LARP4: variants seen among roughly 807,000 people sequenced by gnomAD.
LARP4 encodes the protein la-related protein 4.
LARP4 carries 29 observed loss-of-function variants against 92.9 expected under a neutral mutation model. The ratio of observed to expected loss-of-function variants is 0.31; its 90% CI spans 0.23 to 0.43. LARP4 has a LOEUF of 0.43. Among genes scored for constraint, LARP4 ranks in the 20% least tolerant of loss-of-function variants. The pLI, the probability that LARP4 is intolerant of heterozygous loss-of-function variation, is 1.00. For missense variants in LARP4, 732 were observed against 860.0 expected, an observed-to-expected ratio of 0.85 and a Z score of 1.86; for synonymous variants, 279 against 284.1, an observed-to-expected ratio of 0.98 and a Z score of 0.18.
Position 50,424,422 on chromosome 12 carries a change from G to C in LARP4, c.19-3340G>C, listed in dbSNP as rs553649674. ...CGCCCAGGCTGGAGTACAGTGGCCCGATCTCGGCTCACCGCAACCACTGTC... is the reference window on the plus strand; with the variant it reads ...CGCCCAGGCTGGAGTACAGTGGCCCCATCTCGGCTCACCGCAACCACTGTC... On this transcript the variant is annotated intron_variant, in intron 1 of 15. Coordinates refer to ENST00000398473, the MANE Select transcript of LARP4 (RefSeq NM_052879.5). Among the ~76,000 whole-genome samples, 3 of 150,652 alleles carry C rather than the reference G, an allele frequency of 2.0e-5. No homozygotes were observed. The South Asian group carries it at 6.4e-4, about 32-fold the overall frequency.
At position 50,467,052 on chromosome 12, in the gene LARP4, A is replaced by G. The variant is rs757755491; in HGVS notation, c.1477A>G (p.Arg493Gly). The G allele has an allele frequency of 2.5e-6, 4 of 1,613,726 alleles. No homozygotes were observed. Among genetic ancestry groups the G allele is most frequent in the African/African-American group, 1.3e-5 (1 of 74,914 alleles). ...NFPPLPGSSS[R>G]MPGELVLENR... ...TCCACCTTTACCTGGAAGTTCATCA[A>G]GAATGCCAGGTGAACTCGTTTTGGA... Residue 493 changes from arginine (R) to glycine (G), a missense_variant, in exon 13 of 16, where the codon AGA (arginine) becomes GGA (glycine). Arg to Gly is a moderately radical substitution (Grantham distance 125, BLOSUM62 -2). This residue lies in a region of LARP4 where 264 missense variants were observed against 269.5 expected (regional missense o/e 0.98). Coordinates refer to ENST00000398473, the MANE Select transcript of LARP4 (RefSeq NM_052879.5).
chr12:50,422,112 G>C (rs1284389512), intron 1 of LARP4, among the ~76,000 whole-genome samples: 3 of 151,808 alleles, frequency 2.0e-5, no homozygotes, highest in Non-Finnish European at 4.4e-5. Context: ...TGGGACTATA[G>C]GCATCCACCC....
rs189002085 is a variant in LARP4 at position 50,473,962 on chromosome 12, C to A, written c.1668-37C>A. The A allele has an allele frequency of 4.5e-4, 715 of 1,574,838 alleles. 6 individuals are homozygous for A. In the East Asian group the frequency reaches 0.01, roughly 23 times the overall value. Reference sequence around the variant, plus strand: ...TTAGTTGCTCAACTGTTCCTATATGCTATTCTGAGTCTAATTGCAAGCTCT... The same window carrying A: ...TTAGTTGCTCAACTGTTCCTATATGATATTCTGAGTCTAATTGCAAGCTCT... On this transcript the variant is annotated intron_variant, in intron 14 of 15. Transcript: ENST00000398473.
rs1390857334 is a variant in LARP4 at position 50,477,541 on chromosome 12, A to G, written c.*1677A>G. On this transcript the variant is annotated 3_prime_UTR_variant, in exon 16 of 16. Coordinates refer to ENST00000398473, the MANE Select transcript of LARP4 (RefSeq NM_052879.5). ...TTAAAATTACATTACTGTGAAATTC[A>G]TCTTCCAACTCTAAGTTAAGCTTTG... is the stretch of plus-strand genomic sequence containing the variant. 2 of 152,602 alleles carry G rather than the reference A, an allele frequency of 1.3e-5. No individual in the cohort carries two copies. The highest frequency in any genetic ancestry group is 2.1e-4 in the South Asian group (1 of 4,836). 9.5% of individuals were successfully genotyped at this position (152,602 alleles called of 1,614,324 possible).
intron 4 of LARP4, among the ~76,000 whole-genome samples, chr12:50,433,146 A>G (rs562927977): frequency 5.3e-5 from 8 of 152,056 alleles, no homozygotes; most frequent in East Asian, 3.9e-4. Context: ...TGGTTTCTCT[A>G]TTGTCCAGGA....
In LARP4 at chr12:50,454,301, C is replaced by T. The variant is rs1484962473; in HGVS notation, c.1018-13C>T. 2.5e-6 allele frequency: 4 copies of T among 1,594,872 alleles called. No homozygotes were observed. Among genetic ancestry groups the T allele is most frequent in the Non-Finnish European group, 3.4e-6 (4 of 1,164,504 alleles). ...TTGCCATTAATATTGTTTAAACATA[C>T]ATTTTTTTCTAGGCTCCCTTTCCCA... is the stretch of plus-strand genomic sequence containing the variant. On this transcript the variant is annotated splice_polypyrimidine_tract_variant and intron_variant, in intron 9 of 15. Coordinates refer to ENST00000398473, the MANE Select transcript of LARP4 (RefSeq NM_052879.5).
intron 1 of LARP4, among the ~76,000 whole-genome samples, chr12:50,414,317 C>G (rs1946404094): frequency 6.6e-6 from 1 of 151,904 alleles, no homozygotes. Context: ...TTGTTGTGTT[C>G]TGTTGAGACG....
At chr12:50,465,109 C>T (rs1955970921) in intron 12 of LARP4, among the ~76,000 whole-genome samples, 1 of 151,946 alleles carries the variant, frequency 6.6e-6, no homozygotes, top group Admixed American at 6.6e-5. Flanking sequence ...TGGTGTCTCA[C>T]GCCTGTAATC....
chr12:50,465,804 A>G (rs578057734), intron 12 of LARP4, among the ~76,000 whole-genome samples: 29 of 152,352 alleles, frequency 1.9e-4, no homozygotes, highest in African/African-American at 6.5e-4. Context: ...ATATTTTTGT[A>G]AATTTACAGA....
chr12:50,421,643 AAAATAAATAAATAAAT>A lies in LARP4; in HGVS notation c.19-6088_19-6073del, dbSNP rs144012967. ...CTGGGAGACAGCAAGACTTCATCAC[AAAATAAATAAATAAAT>A]AAATAAATAAATAAATAAATAAATA... On this transcript the variant is annotated intron_variant, in intron 1 of 15. Coordinates refer to ENST00000398473, the MANE Select transcript of LARP4 (RefSeq NM_052879.5). Among the ~76,000 whole-genome samples the A allele has an allele frequency of 9.8e-4, 145 of 147,976 alleles. 1 individual carries two copies. The highest frequency in any genetic ancestry group is 3.4e-3 in the Admixed American group (51 of 14,834).
chr12:50,410,083 C>T (rs1436240592), intron 1 of LARP4, among the ~76,000 whole-genome samples: 42 of 143,994 alleles, frequency 2.9e-4, no homozygotes, highest in African/African-American at 7.9e-4. Flanking sequence ...TGAGCCACCA[C>T]GCCCGGCAAA....
At chr12:50,469,088 C>T (rs897532911) in intron 13 of LARP4, among the ~76,000 whole-genome samples, 1 of 151,962 alleles carries the variant, frequency 6.6e-6, no homozygotes, top group Non-Finnish European at 1.5e-5. Flanking sequence ...AAATTTCTTG[C>T]ATTCTGAAAA....
At chr12:50,463,621 A>C in intron 12 of LARP4, among the ~76,000 whole-genome samples, 1 of 151,900 alleles carries the variant, frequency 6.6e-6, no homozygotes, top group African/African-American at 2.4e-5. Context: ...CTTTGACTCC[A>C]TGTCCCACAC....
At position 50,461,340 on chromosome 12, in the gene LARP4, A is replaced by G. The variant is rs754539713; in HGVS notation, c.1327A>G (p.Arg443Gly). 8.1e-6 allele frequency: 13 copies of G among 1,612,850 alleles called. No homozygotes were observed. The highest frequency in any genetic ancestry group is 1.1e-5 in the Non-Finnish European group (13 of 1,179,760). ...LQVEQNGDYGRGRRTLFRGRR... is the reference protein window; with the variant it reads ...LQVEQNGDYGGGRRTLFRGRR... ...GGTGGAACAGAATGGGGACTATGGT[A>G]GGGGCAGGTAAGAAAATAAAGTACC... The change falls in exon 11 of 16, where the codon AGG (arginine) becomes GGG (glycine). Residue 443 changes from arginine to glycine, a missense_variant. Physicochemically the swap from Arg to Gly is moderately radical, Grantham distance 125. Transcript: ENST00000398473.
In LARP4 at chr12:50,477,775, A is replaced by G. The variant is rs1314286736; in HGVS notation, c.*1911A>G. The G allele has an allele frequency of 6.6e-6, 1 of 152,574 alleles. No homozygotes were observed. The highest frequency in any genetic ancestry group is 1.5e-5 in the Non-Finnish European group (1 of 67,968). 9.5% of individuals were successfully genotyped at this position (152,574 alleles called of 1,614,324 possible). A position where few individuals can be genotyped will look rare whatever the true frequency, so the allele number is the denominator to read the frequency against. ...TTAAAAATTGCCTACTAGGTGAAACATAACAATAAAACTACCTGTGCTGAA... is the reference window on the plus strand; with the variant it reads ...TTAAAAATTGCCTACTAGGTGAAACGTAACAATAAAACTACCTGTGCTGAA... On this transcript the variant is annotated 3_prime_UTR_variant, in exon 16 of 16. Transcript: ENST00000398473.
At position 50,418,173 on chromosome 12, in the gene LARP4, T is replaced by G. The variant is rs141749675; in HGVS notation, c.19-9589T>G. ...ACTGCGCCTGGCCCAATTTTTGTGT[T>G]TTTATTAGAGAGTGTCAGTGTTTCA... On this transcript the variant is annotated intron_variant, in intron 1 of 15. Coordinates refer to ENST00000398473, the MANE Select transcript of LARP4 (RefSeq NM_052879.5). 3.2e-4 allele frequency among the ~76,000 whole-genome samples: 49 copies of G among 152,188 alleles called. 1 individual carries two copies. Among genetic ancestry groups the G allele is most frequent in the Admixed American group, 1.4e-3 (21 of 15,262 alleles).
chr12:50,400,911 GC>G lies in LARP4; in HGVS notation c.-99del. 3 of 1,543,730 alleles carry G rather than the reference GC, an allele frequency of 1.9e-6. No individual in the cohort carries two copies. Among genetic ancestry groups the G allele is most frequent in the Non-Finnish European group, 2.7e-6 (3 of 1,115,916 alleles). ...GCCGGGTCCACTGCCGGGTGGAGGG[GC>G]AAGGCGAGTGTGTGTCCTTATCCTA... On this transcript the variant is annotated 5_prime_UTR_variant, in exon 1 of 16. Transcript: ENST00000398473.
intron 3 of LARP4, 35 bp from the exon 4 acceptor site, chr12:50,430,460 A>G (rs780844393): frequency 1.5e-5 from 18 of 1,222,144 alleles, no homozygotes; most frequent in Admixed American, 3.7e-5. Flanking sequence ...CTAACATGCT[A>G]TTAACTTTTT....
intron 8 of LARP4, among the ~76,000 whole-genome samples, chr12:50,452,972 C>T (rs771802220): frequency 1.3e-5 from 2 of 151,948 alleles, no homozygotes; most frequent in East Asian, 1.9e-4. Flanking sequence ...TGTGGTAGTG[C>T]GATCATAGCT....
Sources: gnomAD v4.1 joint callset for allele counts (sites outside exome capture counted in the v4.1 genomes callset) on GRCh38, gnomAD v4.1.1 for gene constraint, gnomAD v4.1.1 regional missense constraint, MANE v1.5 for transcripts, NCBI Gene and HGNC (gene_info 2026-07-23, HGNC 2026-07-21) for gene names.